ENTREP2: variants seen among roughly 807,000 people sequenced by gnomAD.
The protein encoded by ENTREP2 is protein ENTREP2.
At chr15:29,238,895 C>T in the ENTREP2 span, among the ~76,000 whole-genome samples, 1 of 152,126 alleles carries the variant, frequency 6.6e-6, no homozygotes, top group Non-Finnish European at 1.5e-5. Context: ...TGAGAAACCA[C>T]CCCATGATCC....
chr15:29,562,003 G>A, the ENTREP2 span, among the ~76,000 whole-genome samples: 3 of 152,176 alleles, frequency 2.0e-5, no homozygotes, highest in Non-Finnish European at 4.4e-5. Flanking sequence ...CTCCTGATGC[G>A]ATGCACTGAG....
chr15:29,270,659 AAAG>A, the ENTREP2 span, among the ~76,000 whole-genome samples: 2 of 152,340 alleles, frequency 1.3e-5, no homozygotes, highest in East Asian at 1.9e-4. Flanking sequence ...TGAGGAAAAA[AAAG>A]AGAACACTGG....
the ENTREP2 span, among the ~76,000 whole-genome samples, chr15:29,188,848 G>A: frequency 6.6e-6 from 1 of 152,174 alleles, no homozygotes; most frequent in African/African-American, 2.4e-5. Context: ...AATCGATCCT[G>A]CCTACATGAT....
the ENTREP2 span, among the ~76,000 whole-genome samples, chr15:29,629,904 G>A: frequency 6.6e-6 from 1 of 152,062 alleles, no homozygotes; most frequent in Non-Finnish European, 1.5e-5. Context: ...ATCACTTGGG[G>A]CCAGGAATTC....
At chr15:29,648,799 C>T in the ENTREP2 span, among the ~76,000 whole-genome samples, 1 of 151,868 alleles carries the variant, frequency 6.6e-6, no homozygotes, top group East Asian at 1.9e-4. Flanking sequence ...ATTATCTGGG[C>T]GTGGTGGCAT....
the ENTREP2 span, among the ~76,000 whole-genome samples, chr15:29,255,103 T>G: frequency 1.3e-5 from 2 of 152,270 alleles, no homozygotes; most frequent in South Asian, 2.1e-4. Flanking sequence ...TATGAGAAGA[T>G]AGTACAGGAT....
At chr15:29,139,991 G>A in the ENTREP2 span, among the ~76,000 whole-genome samples, 4 of 152,206 alleles carry the variant, frequency 2.6e-5, no homozygotes, top group Non-Finnish European at 4.4e-5. Context: ...CCTGTAGGGG[G>A]TGCCAGAGGG....
the ENTREP2 span, among the ~76,000 whole-genome samples, chr15:29,327,537 G>A: frequency 6.6e-6 from 1 of 151,004 alleles, no homozygotes; most frequent in East Asian, 2.0e-4. Flanking sequence ...AGAGCTTGCA[G>A]TGAGCCGAGA....
chr15:29,392,860 T>C, the ENTREP2 span, among the ~76,000 whole-genome samples: 2 of 152,228 alleles, frequency 1.3e-5, no homozygotes, highest in Non-Finnish European at 2.9e-5. Context: ...ACACATGTCA[T>C]TCATGACTTC....
At chr15:29,674,153 C>T in the ENTREP2 span, among the ~76,000 whole-genome samples, 5 of 143,954 alleles carry the variant, frequency 3.5e-5, no homozygotes, top group South Asian at 1.1e-3. Flanking sequence ...GCTTTGCCAG[C>T]AGTCAAGTCC....
the ENTREP2 span, among the ~76,000 whole-genome samples, chr15:29,395,194 T>C: frequency 6.6e-6 from 1 of 151,816 alleles, no homozygotes; most frequent in South Asian, 2.1e-4. Context: ...GGCCTCTCCT[T>C]CCTTTGTAAG....
chr15:29,489,395 A>C, the ENTREP2 span, among the ~76,000 whole-genome samples: 1 of 152,214 alleles, frequency 6.6e-6, no homozygotes, highest in Non-Finnish European at 1.5e-5. Flanking sequence ...CTGCCAAAGT[A>C]AGACGTTGCC....
chr15:29,616,012 G>A, the ENTREP2 span, among the ~76,000 whole-genome samples: 1 of 152,190 alleles, frequency 6.6e-6, no homozygotes. Flanking sequence ...CCGGTTCACA[G>A]AGCAGCTGCC....
chr15:29,254,649 G>C, the ENTREP2 span, among the ~76,000 whole-genome samples: 264 of 152,236 alleles, frequency 1.7e-3, 1 homozygote, highest in South Asian at 0.015. Context: ...ATGAGATCAG[G>C]AGTTCGAGAC....
At chr15:29,447,033 T>C in the ENTREP2 span, among the ~76,000 whole-genome samples, 4 of 152,200 alleles carry the variant, frequency 2.6e-5, no homozygotes, top group African/African-American at 7.2e-5. Flanking sequence ...CTTTACCACA[T>C]AACCTAACAT....
At chr15:29,431,058 C>T in the ENTREP2 span, among the ~76,000 whole-genome samples, 1 of 152,168 alleles carries the variant, frequency 6.6e-6, no homozygotes, top group Non-Finnish European at 1.5e-5. Flanking sequence ...CTGAGGCACA[C>T]TGCGGGCCCA....
chr15:29,526,489 G>A, the ENTREP2 span, among the ~76,000 whole-genome samples: 2 of 151,772 alleles, frequency 1.3e-5, no homozygotes, highest in Non-Finnish European at 2.9e-5. Flanking sequence ...TCAGAGACAG[G>A]GTTTCATTCC....
the ENTREP2 span, among the ~76,000 whole-genome samples, chr15:29,654,043 A>G: frequency 1.3e-5 from 2 of 152,224 alleles, no homozygotes; most frequent in African/African-American, 4.8e-5. Flanking sequence ...ATTTATACAG[A>G]TCAGTATAGC....
At chr15:29,269,742 G>T in the ENTREP2 span, 1 of 1,442,080 alleles carries the variant, frequency 6.9e-7, no homozygotes, top group Non-Finnish European at 9.1e-7. Flanking sequence ...ACTCCGGTAG[G>T]CAAGCAGCCG....
Sources: gnomAD v4.1 joint callset for allele counts (sites outside exome capture counted in the v4.1 genomes callset) on GRCh38, gnomAD v4.1.1 for gene constraint, MANE v1.5 for transcripts, NCBI Gene and HGNC (gene_info 2026-07-23, HGNC 2026-07-21) for gene names.